RGS7: variants seen among roughly 807,000 people sequenced by gnomAD.
RGS7 encodes regulator of G protein signaling 7, also known as regulator of G-protein signaling 7.
In RGS7, 27 loss-of-function variants were observed where a neutral mutation model predicts 81.1. That is an observed-to-expected ratio of 0.33 (90% CI 0.25 to 0.46). The LOEUF is 0.46. Ranked by LOEUF, RGS7 falls within the 20% of genes least tolerant of loss-of-function variation. The pLI is 1.00. For synonymous variants in RGS7, 208 were observed against 207.7 expected, an observed-to-expected ratio of 1.00 and a Z score of -0.01; for missense variants, 396 against 607.4, an observed-to-expected ratio of 0.65 and a Z score of 3.66.
Position 241,017,439 on chromosome 1 carries a change from C to CAAA in RGS7, c.176-34313_176-34311dup, listed in dbSNP as rs554731685. ...TGGGTGACAGAGCAACACTCTGTCT[C>CAAA]AAAAAAAAAAAAAAAAAAAGTGAGA... is the stretch of plus-strand genomic sequence containing the variant. On this transcript the variant is annotated intron_variant, in intron 3 of 18. Coordinates refer to ENST00000440928, the MANE Select transcript of RGS7 (RefSeq NM_001364886.1). Among the ~76,000 whole-genome samples the CAAA allele has an allele frequency of 9.8e-3, 717 of 73,006 alleles. 22 individuals are homozygous for CAAA. Among genetic ancestry groups the CAAA allele is most frequent in the African/African-American group, 0.027 (660 of 24,450 alleles). The allele number at this position is 73,006 out of a possible 152,430, so 47.9% of individuals were successfully genotyped here.
At position 241,147,084 on chromosome 1, in the gene RGS7, A is replaced by G. The variant is rs1255857620; in HGVS notation, c.79-48322T>C. ...TGTGTGCACATTTATTTCACACTTG[A>G]AGCATCCCTGGTGTTTTTAATAATC... On this transcript the variant is annotated intron_variant, in intron 2 of 18. Coordinates refer to ENST00000440928, the MANE Select transcript of RGS7 (RefSeq NM_001364886.1). Among the ~76,000 whole-genome samples, 4 of 152,280 alleles carry G rather than the reference A, an allele frequency of 2.6e-5. No homozygotes were observed. In the East Asian group the frequency reaches 7.7e-4, roughly 29 times the overall value.
intron 2 of RGS7, among the ~76,000 whole-genome samples, chr1:241,269,278 G>C (rs1227530222): frequency 4.6e-5 from 7 of 152,228 alleles, no homozygotes; most frequent in Admixed American, 3.3e-4. Flanking sequence ...ATAAGCTCTA[G>C]TCCAAGGCTC....
At chr1:241,335,503 C>T (rs2082194722) in intron 2 of RGS7, among the ~76,000 whole-genome samples, 1 of 152,142 alleles carries the variant, frequency 6.6e-6, no homozygotes, top group Admixed American at 6.6e-5. Context: ...ATTAGTCAAC[C>T]AATGTATCAA....
At chr1:241,089,049 CTCTCTCTCTCTCTCTATATA>C (rs1165228479) in intron 3 of RGS7, among the ~76,000 whole-genome samples, 1 of 53,480 alleles carries the variant, frequency 1.9e-5, no homozygotes, top group Non-Finnish European at 3.5e-5. Context: ...CTCTCTCTCT[CTCTCTCTCTCTCTCTATATA>C]TATATATATA....
chr1:241,131,147 C>G (rs2067062095), intron 2 of RGS7, among the ~76,000 whole-genome samples: 1 of 151,586 alleles, frequency 6.6e-6, no homozygotes, highest in Non-Finnish European at 1.5e-5. Context: ...CTCTCTGTAC[C>G]TTGAAAATAA....
chr1:241,252,878 C>T (rs186752415), intron 2 of RGS7, among the ~76,000 whole-genome samples: 2 of 152,304 alleles, frequency 1.3e-5, no homozygotes, highest in Non-Finnish European at 2.9e-5. Context: ...CCCCAAAGCA[C>T]ACTGCCCCCC....
intron 3 of RGS7, among the ~76,000 whole-genome samples, chr1:241,054,106 A>C (rs2061374873): frequency 6.6e-6 from 1 of 152,252 alleles, no homozygotes; most frequent in Admixed American, 6.5e-5. Context: ...CCTGACAGTA[A>C]TAAAATAAGT....
intron 3 of RGS7, among the ~76,000 whole-genome samples, chr1:240,989,320 A>G (rs1686121347): frequency 6.6e-6 from 1 of 151,758 alleles, no homozygotes; most frequent in African/African-American, 2.4e-5. Context: ...CGTGCCTGTA[A>G]TCCCAGCTAC....
At chr1:240,982,075 C>T (rs1303355238) in intron 4 of RGS7, among the ~76,000 whole-genome samples, 1 of 152,000 alleles carries the variant, frequency 6.6e-6, no homozygotes, top group Non-Finnish European at 1.5e-5. Flanking sequence ...TATTTTCTTT[C>T]AGTGATGTGA....
chr1:240,799,512 G>A (rs901818818), intron 18 of RGS7, among the ~76,000 whole-genome samples: 2 of 151,834 alleles, frequency 1.3e-5, no homozygotes, highest in African/African-American at 2.4e-5. Context: ...TCTTTCCCTT[G>A]TACATCCTAA....
At chr1:241,149,534 C>T (rs1028009197) in intron 2 of RGS7, among the ~76,000 whole-genome samples, 6 of 152,164 alleles carry the variant, frequency 3.9e-5, no homozygotes, top group Non-Finnish European at 8.8e-5. Flanking sequence ...CCAAGGTACA[C>T]TGGCATGGTC....
At chr1:241,165,765 A>C (rs1293996573) in intron 2 of RGS7, among the ~76,000 whole-genome samples, 1 of 151,842 alleles carries the variant, frequency 6.6e-6, no homozygotes, top group Non-Finnish European at 1.5e-5. Flanking sequence ...ATGTACCCTA[A>C]AACTTAAAGT....
At chr1:241,151,449 C>T (rs752712122) in intron 2 of RGS7, among the ~76,000 whole-genome samples, 3 of 151,248 alleles carry the variant, frequency 2.0e-5, no homozygotes, top group Admixed American at 2.0e-4. Flanking sequence ...CTGCATGCAG[C>T]GGGTGAAGGG....
intron 3 of RGS7, among the ~76,000 whole-genome samples, chr1:241,077,238 A>G (rs1437623664): frequency 1.3e-5 from 2 of 152,210 alleles, no homozygotes; most frequent in Non-Finnish European, 2.9e-5. Context: ...ACAAAATCTT[A>G]ATTTACACAG....
At chr1:240,961,960 G>C (rs1051774452) in intron 4 of RGS7, among the ~76,000 whole-genome samples, 7 of 152,224 alleles carry the variant, frequency 4.6e-5, no homozygotes, top group African/African-American at 1.7e-4. Flanking sequence ...AGAAGAAAGA[G>C]AGAGAGAGAA....
chr1:240,969,148 T>C lies in RGS7; in HGVS notation c.226+13931A>G, dbSNP rs138877648. On this transcript the variant is annotated intron_variant, in intron 4 of 18. Transcript: ENST00000440928. ...TCTAGGCCTTATTAGCTTTATCCAGTGCTTTTTACTTTTCTTTTCTTTTCT... is the reference window on the plus strand; with the variant it reads ...TCTAGGCCTTATTAGCTTTATCCAGCGCTTTTTACTTTTCTTTTCTTTTCT... Among the ~76,000 whole-genome samples, 286 of 152,346 alleles carry C rather than the reference T, an allele frequency of 1.9e-3. 2 individuals carry two copies. Among genetic ancestry groups the C allele is most frequent in the African/African-American group, 6.6e-3 (276 of 41,576 alleles).
At chr1:240,807,114 T>C (rs761715609) in intron 14 of RGS7, among the ~76,000 whole-genome samples, 5 of 152,192 alleles carry the variant, frequency 3.3e-5, no homozygotes, top group Non-Finnish European at 7.4e-5. Context: ...ATACCATATG[T>C]ATACTGAAAG....
chr1:240,965,565 GGA>G (rs1244799276), intron 4 of RGS7, among the ~76,000 whole-genome samples: 1 of 152,196 alleles, frequency 6.6e-6, no homozygotes, highest in Admixed American at 6.5e-5. Context: ...AGACACAGGT[GGA>G]GAGTGAACGA....
intron 3 of RGS7, among the ~76,000 whole-genome samples, chr1:241,048,898 G>A (rs191672627): frequency 2.2e-4 from 34 of 152,268 alleles, no homozygotes; most frequent in Non-Finnish European, 4.0e-4. Context: ...CTGCAAGGGC[G>A]ATCTCCCTGC....
Sources: allele counts gnomAD v4.1 joint callset (sites outside exome capture counted in the v4.1 genomes callset), GRCh38; gene constraint gnomAD v4.1.1; transcripts MANE v1.5; gene names NCBI Gene and HGNC (gene_info 2026-07-23, HGNC 2026-07-21).